The following HEPHL1 variants were observed in gnomAD, a reference collection of about 807,000 sequenced individuals.
The protein encoded by HEPHL1 is ferroxidase HEPHL1.
HEPHL1 carries 123 observed loss-of-function variants against 122.0 expected under a neutral mutation model. The observed-to-expected ratio is 1.01, with a 90% CI of 0.87 to 1.17. The LOEUF (loss-of-function observed/expected upper bound fraction) is 1.17. Among genes scored for constraint, HEPHL1 ranks in the 50% most tolerant of loss-of-function variants. The probability of loss-of-function intolerance (pLI) is 0.00; values close to 1 mark genes in which losing one functional copy is unlikely to be tolerated. For synonymous variants in HEPHL1, 527 were observed against 508.9 expected (o/e 1.04, Z -0.48); for missense variants, 1,452 against 1,430.5 (o/e 1.01, Z -0.24).
intron 12 of HEPHL1, among the ~76,000 whole-genome samples, chr11:94,091,543 C>T (rs1015053855): frequency 6.6e-6 from 1 of 152,196 alleles, no homozygotes; most frequent in African/African-American, 2.4e-5. Flanking sequence ...ATATGCTAGA[C>T]ATTGTGCAAT....
intron 1 of HEPHL1, among the ~76,000 whole-genome samples, chr11:94,037,596 C>A (rs895987311): frequency 4.6e-5 from 7 of 152,174 alleles, no homozygotes; most frequent in Non-Finnish European, 1.0e-4. Flanking sequence ...GAGGCACCCC[C>A]CCAACAGGGG....
Position 94,102,920 on chromosome 11 carries a change from TA to T in HEPHL1, c.2587del (p.Thr863LeufsTer28). 6.4e-7 allele frequency: 1 copy of T among 1,552,132 alleles called. No individual in the cohort carries two copies. The highest frequency in any genetic ancestry group is 1.4e-5 in the African/African-American group (1 of 73,710). ...TCCATTTCATTTATTACAGGAGAAGTAAAAACTTATAGATGGAATATCCCTA... is the reference window on the plus strand; with the variant it reads ...TCCATTTCATTTATTACAGGAGAAGTAAAACTTATAGATGGAATATCCCTA... Reference protein sequence around the residue: ...FQVPMTKPGEVKTYRWNIPKR... With the variant: ...FQVPMTKPGEXKTYRWNIPKR... On this transcript the variant is annotated frameshift_variant, in exon 15 of 20. Transcript: ENST00000315765. LOFTEE classifies it high-confidence loss of function.
chr11:94,055,760 A>G, intron 2 of HEPHL1: 1 of 393,912 alleles, frequency 2.5e-6, no homozygotes, highest in South Asian at 2.2e-5. Context: ...TTATGTGATC[A>G]AGAGTAGCAG....
In HEPHL1 at chr11:94,035,769, C is replaced by T. The variant is rs147226621; in HGVS notation, c.171-9904C>T. 9.1e-3 allele frequency among the ~76,000 whole-genome samples: 1,386 copies of T among 152,298 alleles called. 26 individuals are homozygous for T. The highest frequency in any genetic ancestry group is 0.031 in the African/African-American group (1,308 of 41,564). Reference sequence around the variant, plus strand: ...TTTTATTTTTTGAGACGGAGTCTCACTCTGTCACCCAGGCTGGAGTGCAGT... The same window carrying T: ...TTTTATTTTTTGAGACGGAGTCTCATTCTGTCACCCAGGCTGGAGTGCAGT... On this transcript the variant is annotated intron_variant, in intron 1 of 19. Transcript: ENST00000315765.
intron 16 of HEPHL1, 76 bp downstream of exon 16, chr11:94,104,826 G>A: frequency 8.9e-7 from 1 of 1,124,632 alleles, no homozygotes; most frequent in Non-Finnish European, 1.3e-6. Flanking sequence ...GAGGCTCCCA[G>A]CATCCTTCTC....
rs576461887 is a variant in HEPHL1, at chr11:94,099,649, G to A, written c.2435-1546G>A. 2.9e-4 allele frequency among the ~76,000 whole-genome samples: 44 copies of A among 152,270 alleles called. 1 individual carries two copies. The highest frequency in any genetic ancestry group is 8.3e-4 in the South Asian group (4 of 4,822). ...AGGCAGGCAGGCCTCCTCGAGCTGC[G>A]GTGGGCTCCACCCAGTTCGAGCTTC... On this transcript the variant is annotated intron_variant, in intron 13 of 19. Transcript: ENST00000315765.
At chr11:94,092,084 A>T (rs1946266734) in intron 12 of HEPHL1, among the ~76,000 whole-genome samples, 1 of 152,218 alleles carries the variant, frequency 6.6e-6, no homozygotes, top group Admixed American at 6.5e-5. Context: ...AAAGAGGAGT[A>T]CAGGTGGCAG....
chr11:94,063,519 C>A lies in HEPHL1; in HGVS notation c.427C>A (p.Pro143Thr), dbSNP rs1400218226. 6.2e-7 allele frequency: 1 copy of A among 1,606,676 alleles called. No homozygotes were observed. Among genetic ancestry groups the A allele is most frequent in the South Asian group, 1.1e-5 (1 of 90,268 alleles). The change falls in exon 3 of 20, where the codon CCA becomes ACA. Residue 143 changes from proline to threonine, a missense_variant. Pro to Thr is a conservative substitution (Grantham distance 38). Transcript: ENST00000315765. The stretch of plus-strand genomic sequence containing the variant: ...TTATTTTTTGGAAGGAGCCCTATAC[C>A]CAGATGGAACATCTGGAAGGAACAA... ...YNKDSEGALY[P>T]DGTSGRNKND...
intron 12 of HEPHL1, among the ~76,000 whole-genome samples, chr11:94,093,095 CGTGT>C (rs1946274172): frequency 9.8e-6 from 1 of 102,038 alleles, no homozygotes. Context: ...AGAGGGTGGA[CGTGT>C]ATGTGTGTGT....
chr11:94,073,489 A>C (rs1474202632), intron 8 of HEPHL1, 50 bp downstream of exon 8: 1 of 1,527,918 alleles, frequency 6.5e-7, no homozygotes, highest in Non-Finnish European at 8.9e-7. Flanking sequence ...TGAGCAAAGC[A>C]CTTAGAAATA....
At chr11:94,063,166 A>G (rs1946000318) in intron 2 of HEPHL1, among the ~76,000 whole-genome samples, 1 of 152,178 alleles carries the variant, frequency 6.6e-6, no homozygotes, top group Admixed American at 6.5e-5. Flanking sequence ...TCTTGAGTCG[A>G]TGTCAACTGA....
At chr11:94,021,869 T>G (rs891683400) in intron 1 of HEPHL1, among the ~76,000 whole-genome samples, 2 of 152,198 alleles carry the variant, frequency 1.3e-5, no homozygotes, top group African/African-American at 4.8e-5. Context: ...TGACAACACT[T>G]GGGATGAAGA....
At chr11:94,055,658 T>A (rs940942534) in intron 2 of HEPHL1, 15 of 391,596 alleles carry the variant, frequency 3.8e-5, no homozygotes, top group Middle Eastern at 5.3e-4. Context: ...CTGGTGAAGA[T>A]GTGAGGAAGC....
intron 13 of HEPHL1, among the ~76,000 whole-genome samples, chr11:94,094,000 ATAT>A (rs1946286221): frequency 9.7e-6 from 1 of 103,370 alleles, no homozygotes; most frequent in Non-Finnish European, 1.8e-5. Flanking sequence ...ATATATATAT[ATAT>A]ATATATATAT....
In HEPHL1 at chr11:94,111,073, T is replaced by TAC. The variant is rs1565365093; in HGVS notation, c.3208+8_3208+9insAC. 19 of 1,559,286 alleles carry TAC rather than the reference T, an allele frequency of 1.2e-5. No individual in the cohort carries two copies. The highest frequency in any genetic ancestry group is 1.7e-5 in the Non-Finnish European group (19 of 1,148,272). On this transcript the variant is annotated intron_variant, in intron 18 of 19. Transcript: ENST00000315765. ...CGGTCCTTCGTAACATAGGTACGGT[T>TAC]GTCTGTCAGTGATGCCAGATGATGG...
At chr11:94,045,286 C>A (rs1469840636) in intron 1 of HEPHL1, among the ~76,000 whole-genome samples, 1 of 152,218 alleles carries the variant, frequency 6.6e-6, no homozygotes, top group African/African-American at 2.4e-5. Flanking sequence ...ATTATCTAAG[C>A]CCATTATTTG....
intron 2 of HEPHL1, among the ~76,000 whole-genome samples, chr11:94,052,255 T>C (rs1945896929): frequency 6.6e-6 from 1 of 152,148 alleles, no homozygotes; most frequent in South Asian, 2.1e-4. Context: ...TCCATGAACA[T>C]GAAATGTTTT....
At chr11:94,091,734 G>A (rs1046433490) in intron 12 of HEPHL1, among the ~76,000 whole-genome samples, 3 of 152,166 alleles carry the variant, frequency 2.0e-5, no homozygotes, top group Non-Finnish European at 1.5e-5. Flanking sequence ...GGTAGTCGGC[G>A]GGGGCTTCTG....
Position 94,111,734 on chromosome 11 carries a change from T to C in HEPHL1, c.3320T>C (p.Leu1107Pro). 6.2e-7 allele frequency: 1 copy of C among 1,607,276 alleles called. No individual in the cohort carries two copies. Among genetic ancestry groups the C allele is most frequent in the Non-Finnish European group, 8.5e-7 (1 of 1,176,566 alleles). ...KEQLYFFGKN[L>P]GPTGAKAALV... Reference sequence around the variant, plus strand: ...CAGCTCTATTTCTTTGGCAAGAATCTGGGTCCAACAGGAGCCAAGGCAGCC... The same window carrying C: ...CAGCTCTATTTCTTTGGCAAGAATCCGGGTCCAACAGGAGCCAAGGCAGCC... The change falls in exon 20 of 20, where the codon CTG becomes CCG. Residue 1107 changes from leucine (L) to proline (P), a missense_variant. By Grantham distance (98) the Leu-to-Pro change is moderately conservative (BLOSUM62 -3). Transcript: ENST00000315765.
Sources: gnomAD v4.1 joint callset for allele counts (sites outside exome capture counted in the v4.1 genomes callset) on GRCh38, gnomAD v4.1.1 for gene constraint, MANE v1.5 for transcripts, NCBI Gene and HGNC (gene_info 2026-07-23, HGNC 2026-07-21) for gene names.